Variants in ABLIM1 observed in about 807,000 individuals in gnomAD.
ABLIM1 encodes actin binding LIM protein 1, also known as actin-binding LIM protein 1.
In ABLIM1, 40 loss-of-function variants were observed where a neutral mutation model predicts 107.0. That is an observed-to-expected ratio of 0.37 (90% CI 0.29 to 0.49). The LOEUF is 0.49. ABLIM1 is among the 20% of genes least tolerant of loss of function. The pLI, the probability that ABLIM1 is intolerant of heterozygous loss-of-function variation, is 0.97. For synonymous variants in ABLIM1, 357 were observed against 357.3 expected, an observed-to-expected ratio of 1.00 and a Z score of 0.01; for missense variants, 857 against 1,008.5, an observed-to-expected ratio of 0.85 and a Z score of 2.04.
chr10:114,547,723 C>G lies in ABLIM1; in HGVS notation c.727G>C (p.Asp243His), dbSNP rs769215037. ...AAGCACCCCAAGTGCCACTGCTTAT[C>G]CAGCGCCAGCAGCGCCTGCCCATTC... ...IKNGQALLALDKQWHLGCFKC... is the reference protein window; with the variant it reads ...IKNGQALLALHKQWHLGCFKC... The change falls in exon 5 of 23, where the codon GAT becomes CAT. Residue 243 changes from aspartate to histidine, a missense_variant. Asp to His is a moderately conservative substitution (Grantham distance 81). Transcript: ENST00000533213. The G allele has an allele frequency of 6.2e-7, 1 of 1,613,234 alleles. No homozygotes were observed. Among genetic ancestry groups the G allele is most frequent in the African/African-American group, 1.3e-5 (1 of 74,946 alleles).
rs141605897 is a variant in ABLIM1 at position 114,483,529 on chromosome 10, G to A, written c.1041+4429C>T. Among the ~76,000 whole-genome samples the A allele has an allele frequency of 4.2e-4, 64 of 152,218 alleles. 1 individual carries two copies. Among genetic ancestry groups the A allele is most frequent in the African/African-American group, 1.5e-3 (62 of 41,534 alleles). On this transcript the variant is annotated intron_variant, in intron 8 of 22. Coordinates refer to ENST00000533213, the MANE Select transcript of ABLIM1 (RefSeq NM_002313.7). ...TGGGCTCTAGTGATCTGCCCACATT[G>A]GCCTCCCGACGTGCTGGGATTACAG...
intron 1 of ABLIM1, among the ~76,000 whole-genome samples, chr10:114,759,091 A>G (rs190740011): frequency 2.6e-4 from 40 of 152,092 alleles, no homozygotes; most frequent in Admixed American, 1.1e-3. Context: ...TCGACCCACA[A>G]CTCCTGCTTT....
intron 15 of ABLIM1, 95 bp from the exon 16 acceptor site, chr10:114,445,498 A>G (rs1589735939): frequency 9.4e-7 from 1 of 1,067,942 alleles, no homozygotes; most frequent in East Asian, 2.4e-5. Flanking sequence ...TAGGCTGGCA[A>G]GGTCAGCAAC....
At position 114,488,135 on chromosome 10, in the gene ABLIM1, G is replaced by A. The variant is rs769843014; in HGVS notation, c.983-119C>T. 9.2e-4 allele frequency: 982 copies of A among 1,066,630 alleles called. 4 individuals carry two copies. Among genetic ancestry groups the A allele is most frequent in the Non-Finnish European group, 1.3e-3 (928 of 691,432 alleles). 66.1% of individuals were successfully genotyped at this position (1,066,630 alleles called of 1,614,324 possible). ...TTCCCCATCATAGGAAGGTGTTATT[G>A]CTTTATGTCCAAGTGAATCATAACA... On this transcript the variant is annotated intron_variant, in intron 7 of 22. Coordinates refer to ENST00000533213, the MANE Select transcript of ABLIM1 (RefSeq NM_002313.7).
chr10:114,598,695 A>G (rs2075697024), intron 2 of ABLIM1, among the ~76,000 whole-genome samples: 2 of 152,224 alleles, frequency 1.3e-5, no homozygotes, highest in African/African-American at 2.4e-5. Context: ...AAGTATCTCA[A>G]TACTTTTTAT....
At chr10:114,468,378 G>T (rs892150788) in intron 10 of ABLIM1, 162 bp from the exon 11 acceptor site, 16 of 609,056 alleles carry the variant, frequency 2.6e-5, no homozygotes, top group Non-Finnish European at 3.3e-5. Context: ...AGGTTCAAGC[G>T]ATTCTCCTGC....
chr10:114,461,551 G>C (rs2063910308), intron 12 of ABLIM1, among the ~76,000 whole-genome samples: 1 of 152,138 alleles, frequency 6.6e-6, no homozygotes, highest in African/African-American at 2.4e-5. Flanking sequence ...GAGCATGATA[G>C]CTCACGCCTG....
intron 2 of ABLIM1, among the ~76,000 whole-genome samples, chr10:114,600,358 T>C (rs987589917): frequency 1.3e-5 from 2 of 152,188 alleles, no homozygotes; most frequent in African/African-American, 4.8e-5. Flanking sequence ...ACGCTTGTCA[T>C]GCGCTGAGCA....
intron 6 of ABLIM1, among the ~76,000 whole-genome samples, chr10:114,492,677 C>G (rs772109569): frequency 1.3e-5 from 2 of 152,204 alleles, no homozygotes; most frequent in African/African-American, 2.4e-5. Flanking sequence ...AAATCATCAC[C>G]ACCTAAGAAC....
intron 4 of ABLIM1, among the ~76,000 whole-genome samples, chr10:114,549,211 C>A (rs541382413): frequency 3.3e-5 from 5 of 152,182 alleles, no homozygotes; most frequent in African/African-American, 1.2e-4. Flanking sequence ...GTGGTGAAAC[C>A]CTGTCTCTAC....
At chr10:114,739,794 G>A (rs1351848825) in intron 1 of ABLIM1, among the ~76,000 whole-genome samples, 1 of 152,050 alleles carries the variant, frequency 6.6e-6, no homozygotes, top group African/African-American at 2.4e-5. Flanking sequence ...ATGCCAACTT[G>A]ACTAGCATTC....
chr10:114,686,994 G>A (rs181222015), upstream of ABLIM1, among the ~76,000 whole-genome samples: 175 of 152,222 alleles, frequency 1.1e-3, no homozygotes, highest in African/African-American at 3.6e-3. Flanking sequence ...TCAGAGACAC[G>A]GTTGTGTGTT....
At chr10:114,776,234 A>G in the ABLIM1 span, 8 of 137,252 alleles carry the variant, frequency 5.8e-5, no homozygotes, top group African/African-American at 1.9e-4. Flanking sequence ...CATTCCATTT[A>G]TTTTTTCATA....
intron 1 of ABLIM1, among the ~76,000 whole-genome samples, chr10:114,670,809 T>C (rs2080223349): frequency 6.6e-6 from 1 of 152,280 alleles, no homozygotes; most frequent in South Asian, 2.1e-4. Context: ...CACAGATTTT[T>C]TTCCATGAAT....
chr10:114,484,368 T>C (rs1435762178), intron 8 of ABLIM1, among the ~76,000 whole-genome samples: 1 of 152,086 alleles, frequency 6.6e-6, no homozygotes, highest in African/African-American at 2.4e-5. Flanking sequence ...GTTTCTTCCT[T>C]TCCCACTTCA....
intron 6 of ABLIM1, among the ~76,000 whole-genome samples, chr10:114,539,804 C>T (rs945932438): frequency 6.6e-6 from 1 of 151,352 alleles, no homozygotes; most frequent in Non-Finnish European, 1.5e-5. Flanking sequence ...TCCCCCATGA[C>T]ATTAGTGACC....
At chr10:114,592,067 C>A (rs545521035) in intron 2 of ABLIM1, among the ~76,000 whole-genome samples, 4 of 152,284 alleles carry the variant, frequency 2.6e-5, no homozygotes, top group Non-Finnish European at 5.9e-5. Context: ...AATACAAACT[C>A]CCTGCCCCAC....
At chr10:114,452,870 G>A (rs1020419837) in intron 13 of ABLIM1, among the ~76,000 whole-genome samples, 1 of 152,214 alleles carries the variant, frequency 6.6e-6, no homozygotes, top group African/African-American at 2.4e-5. Flanking sequence ...TGGCTAGTCT[G>A]TTATGCGCTG....
At chr10:114,760,548 T>C (rs1422881024) in intron 1 of ABLIM1, among the ~76,000 whole-genome samples, 1 of 152,036 alleles carries the variant, frequency 6.6e-6, no homozygotes, top group Non-Finnish European at 1.5e-5. Flanking sequence ...TAGTTGCCTA[T>C]GGCAAAAAGG....
Sources: gnomAD v4.1 joint callset for allele counts (sites outside exome capture counted in the v4.1 genomes callset) on GRCh38, gnomAD v4.1.1 for gene constraint, MANE v1.5 for transcripts, NCBI Gene and HGNC (gene_info 2026-07-23, HGNC 2026-07-21) for gene names.